Variants in PRDM16 observed in about 807,000 individuals in gnomAD.
PRDM16 encodes PR/SET domain 16.
A neutral mutation model predicts 110.6 loss-of-function variants in PRDM16; 23 were observed. The observed-to-expected ratio is 0.21, with a 90% confidence interval of 0.15 to 0.29. PRDM16 has a LOEUF of 0.29. PRDM16 is among the 10% of genes least tolerant of loss of function. The probability of loss-of-function intolerance (pLI) is 1.00; values close to 1 mark genes in which losing one functional copy is unlikely to be tolerated. For missense variants in PRDM16, 1,615 were observed against 1,794.3 expected, an observed-to-expected ratio of 0.90 and a Z score of 1.81; for synonymous variants, 799 against 781.8, an observed-to-expected ratio of 1.02 and a Z score of -0.37.
chr1:3,427,473 C>T (rs192451786), intron 14 of PRDM16, among the ~76,000 whole-genome samples: 1 of 152,248 alleles, frequency 6.6e-6, no homozygotes, highest in Non-Finnish European at 1.5e-5. Flanking sequence ...CACTCCCCAC[C>T]ACCTCCAGTA....
chr1:3,427,560 G>C (rs924671308), intron 14 of PRDM16, among the ~76,000 whole-genome samples: 1 of 152,174 alleles, frequency 6.6e-6, no homozygotes, highest in Non-Finnish European at 1.5e-5. Context: ...GCGTCTTCCT[G>C]TCATTGCTTC....
chr1:3,328,868 G>A (rs943847902), intron 3 of PRDM16, among the ~76,000 whole-genome samples: 1 of 152,128 alleles, frequency 6.6e-6, no homozygotes, highest in African/African-American at 2.4e-5. Context: ...AGAAGCCAAT[G>A]CCCACGCCCT....
rs548672719 is a variant in PRDM16 at position 3,099,976 on chromosome 1, A to G, written c.37+30680A>G. Among the ~76,000 whole-genome samples the G allele has an allele frequency of 6.0e-4, 91 of 152,202 alleles. 1 individual carries two copies. Among genetic ancestry groups the G allele is most frequent in the Admixed American group, 2.5e-3 (38 of 15,294 alleles). The stretch of plus-strand genomic sequence containing the variant: ...CAAGGGCTGCCCCCAGGAGGCACCT[A>G]TGAGATGGAGGCCACTGGGCTCGGC... On this transcript the variant is annotated intron_variant, in intron 1 of 16. Coordinates refer to ENST00000270722, the MANE Select transcript of PRDM16 (RefSeq NM_022114.4).
chr1:3,085,897 C>T (rs1160743170), intron 1 of PRDM16, among the ~76,000 whole-genome samples: 3 of 152,242 alleles, frequency 2.0e-5, no homozygotes, highest in Admixed American at 2.0e-4. Flanking sequence ...TGCTTGGCGT[C>T]CAGCAGGGCG....
At chr1:3,147,795 C>A (rs1643704262) in intron 1 of PRDM16, among the ~76,000 whole-genome samples, 1 of 152,168 alleles carries the variant, frequency 6.6e-6, no homozygotes, top group Non-Finnish European at 1.5e-5. Context: ...GGGGCTTGGG[C>A]CAGGAGAGGA....
intron 1 of PRDM16, among the ~76,000 whole-genome samples, chr1:3,162,689 C>T (rs1033879495): frequency 1.3e-5 from 2 of 152,248 alleles, no homozygotes; most frequent in Non-Finnish European, 2.9e-5. Context: ...GTGTGGAAAA[C>T]GCGGAGCCAG....
chr1:3,267,778 G>A (rs1174193821), intron 3 of PRDM16, among the ~76,000 whole-genome samples: 1 of 152,238 alleles, frequency 6.6e-6, no homozygotes, highest in Non-Finnish European at 1.5e-5. Context: ...TCTCCATCCC[G>A]CGCCGCTGCG....
intron 3 of PRDM16, among the ~76,000 whole-genome samples, chr1:3,278,507 T>C (rs997612883): frequency 6.6e-6 from 1 of 152,102 alleles, no homozygotes; most frequent in African/African-American, 2.4e-5. Flanking sequence ...GGCAACCCCC[T>C]CTTCTAAGCA....
At chr1:3,073,676 G>T (rs1641820965) in intron 1 of PRDM16, among the ~76,000 whole-genome samples, 1 of 152,100 alleles carries the variant, frequency 6.6e-6, no homozygotes, top group South Asian at 2.1e-4. Context: ...GGGCCTGGGG[G>T]ACCCCGGGCC....
At chr1:3,362,478 C>T (rs1260251719) in intron 3 of PRDM16, among the ~76,000 whole-genome samples, 1 of 151,864 alleles carries the variant, frequency 6.6e-6, no homozygotes, top group African/African-American at 2.4e-5. Flanking sequence ...AGAGATGGGT[C>T]AGGAGGGGCC....
chr1:3,394,866 A>T (rs1462703152), intron 4 of PRDM16, among the ~76,000 whole-genome samples: 2 of 148,180 alleles, frequency 1.3e-5, no homozygotes, highest in African/African-American at 4.9e-5. Context: ...TTTTGATAAG[A>T]TGATACAAAA....
At chr1:3,202,689 C>T (rs1283531291) in intron 2 of PRDM16, among the ~76,000 whole-genome samples, 1 of 152,148 alleles carries the variant, frequency 6.6e-6, no homozygotes, top group Non-Finnish European at 1.5e-5. Flanking sequence ...TTTCGAAAAG[C>T]GATGTGCAGG....
intron 2 of PRDM16, among the ~76,000 whole-genome samples, chr1:3,230,353 G>A (rs1356280313): frequency 6.6e-6 from 1 of 152,208 alleles, no homozygotes; most frequent in Admixed American, 6.5e-5. Context: ...AGTCCTTGGG[G>A]TAGCAATGGA....
At chr1:3,292,509 T>G (rs1640998435) in intron 3 of PRDM16, among the ~76,000 whole-genome samples, 1 of 152,040 alleles carries the variant, frequency 6.6e-6, no homozygotes, top group African/African-American at 2.4e-5. Context: ...GTCCCCCGAG[T>G]GCTGAAAAGA....
At chr1:3,198,301 C>T (rs1300857004) in intron 2 of PRDM16, among the ~76,000 whole-genome samples, 1 of 152,206 alleles carries the variant, frequency 6.6e-6, no homozygotes, top group Non-Finnish European at 1.5e-5. Flanking sequence ...TAGAGAAGGC[C>T]CTTTGGAGAA....
At chr1:3,094,166 G>A (rs1642338859) in intron 1 of PRDM16, among the ~76,000 whole-genome samples, 2 of 152,194 alleles carry the variant, frequency 1.3e-5, no homozygotes, top group Admixed American at 1.3e-4. Flanking sequence ...GGCAGAGCTG[G>A]GGAGGAAAAG....
At chr1:3,433,220 G>A (rs891941900) in intron 16 of PRDM16, among the ~76,000 whole-genome samples, 3 of 152,248 alleles carry the variant, frequency 2.0e-5, no homozygotes, top group African/African-American at 7.2e-5. Context: ...GCACCCCAAT[G>A]TCCTGGCATC....
At chr1:3,176,264 G>GTCCATCCATCCATCCATCCATCCA (rs1224462324) in intron 1 of PRDM16, among the ~76,000 whole-genome samples, 3 of 147,644 alleles carry the variant, frequency 2.0e-5, no homozygotes, top group Admixed American at 6.7e-5. Flanking sequence ...TCCACCATCT[G>GTCCATCCATCCATCCATCCATCCA]TCCATCCATC....
At position 3,265,089 on chromosome 1, in the gene PRDM16, C is replaced by G. The variant is rs1318818750; in HGVS notation, c.438+20952C>G. Among the ~76,000 whole-genome samples the G allele has an allele frequency of 6.6e-6, 1 of 152,052 alleles. No individual in the cohort carries two copies. The highest frequency in any genetic ancestry group is 2.4e-5 in the African/African-American group (1 of 41,368). ...CCCAGGGCCCAGGAGGGAGGGGAGACCAGCAGGGAGGCGGGAGGCAGCCCT... is the reference window on the plus strand; with the variant it reads ...CCCAGGGCCCAGGAGGGAGGGGAGAGCAGCAGGGAGGCGGGAGGCAGCCCT... On this transcript the variant is annotated intron_variant, in intron 3 of 16. Transcript: ENST00000270722. This position sits in a 1 kb window ranked among gnomAD's most constrained non-coding sequence, Gnocchi z 4.5.
Sources: allele counts gnomAD v4.1 joint callset (sites outside exome capture counted in the v4.1 genomes callset), GRCh38; gene constraint gnomAD v4.1.1; non-coding constraint Gnocchi (gnomAD v3.1); transcripts MANE v1.5; gene names NCBI Gene and HGNC (gene_info 2026-07-23, HGNC 2026-07-21).